Variants in VPS13C observed in about 807,000 individuals in gnomAD.
VPS13C encodes intermembrane lipid transfer protein VPS13C.
VPS13C carries 358 observed loss-of-function variants against 456.8 expected under a neutral mutation model. That is an observed-to-expected ratio of 0.78 (90% CI 0.72 to 0.86). The LOEUF is 0.86. Ranked by LOEUF, VPS13C falls within the 40% of genes least tolerant of loss-of-function variation. VPS13C has a pLI of 0.00. For synonymous variants in VPS13C, 1,578 were observed against 1,486.7 expected (o/e 1.06, Z -1.41); for missense variants, 4,818 against 4,385.4 (o/e 1.10, Z -2.79).
rs767670257 is a variant in VPS13C, at chr15:61,920,150, T to C, written c.7394A>G (p.Glu2465Gly). ...DVDAGQNLEL[E>G]YASMVPSSQG... Reference sequence around the variant, plus strand: ...ACTTGAAGGTACCATGCTGGCATACTCCAGTTCCAAATTCTGGCCAGCATC... The same window carrying C: ...ACTTGAAGGTACCATGCTGGCATACCCCAGTTCCAAATTCTGGCCAGCATC... Residue 2465 changes from glutamate (E) to glycine (G), a missense_variant, in exon 57 of 85, where the codon GAG becomes GGG. Glu to Gly is a moderately conservative substitution (Grantham distance 98). Transcript: ENST00000644861. 1.9e-6 allele frequency: 3 copies of C among 1,613,626 alleles called. No homozygotes were observed. In the South Asian group the frequency reaches 3.3e-5, roughly 18 times the overall value.
intron 65 of VPS13C, among the ~76,000 whole-genome samples, chr15:61,907,745 A>C (rs950747643): frequency 5.9e-5 from 9 of 152,128 alleles, no homozygotes; most frequent in African/African-American, 2.2e-4. Context: ...TCAGTGCTTA[A>C]ATTTAAACAT....
chr15:61,886,466 G>A (rs1314738584), intron 67 of VPS13C, among the ~76,000 whole-genome samples: 4 of 151,866 alleles, frequency 2.6e-5, no homozygotes, highest in Admixed American at 2.6e-4. Flanking sequence ...CTTTTCTCTT[G>A]TTTTGATATG....
intron 80 of VPS13C, among the ~76,000 whole-genome samples, 189 bp from the exon 81 acceptor site, chr15:61,868,962 A>G (rs1303256884): frequency 6.6e-6 from 1 of 152,174 alleles, no homozygotes; most frequent in Non-Finnish European, 1.5e-5. Context: ...TCTAAAATAA[A>G]AAGAAATATC....
chr15:62,002,548 C>G (rs935977561), intron 15 of VPS13C, among the ~76,000 whole-genome samples: 1 of 152,128 alleles, frequency 6.6e-6, no homozygotes, highest in African/African-American at 2.4e-5. Context: ...TCTATTTTGG[C>G]TTTTGTTGCC....
intron 17 of VPS13C, 71 bp downstream of exon 17, chr15:61,991,602 G>A (rs938082008): frequency 9.5e-6 from 14 of 1,478,054 alleles, no homozygotes; most frequent in African/African-American, 1.4e-5. Flanking sequence ...AAATTCAACA[G>A]GGAAGATATA....
chr15:61,860,555 A>G (rs1297757243), intron 82 of VPS13C, among the ~76,000 whole-genome samples: 7 of 152,186 alleles, frequency 4.6e-5, no homozygotes, highest in Admixed American at 4.6e-4. Flanking sequence ...CTAGGGAAAA[A>G]ATGTCCAATA....
intron 48 of VPS13C, 95 bp downstream of exon 48, chr15:61,936,502 T>C: frequency 4.8e-6 from 6 of 1,257,986 alleles, no homozygotes; most frequent in Non-Finnish European, 6.3e-6. Context: ...AATTAGTTCA[T>C]ACCACATTGT....
In VPS13C at chr15:61,902,959, C is replaced by T. The variant is rs1276377481; in HGVS notation, c.9105+4305G>A. Among the ~76,000 whole-genome samples the T allele has an allele frequency of 4.0e-5, 6 of 149,898 alleles. No homozygotes were observed. The South Asian group carries it at 1.3e-3, about 32-fold the overall frequency. ...TTTAGAAAAACCTAAAGACTCCACA[C>T]ACATTAAAAAAAAAGAAAAAACCTG... On this transcript the variant is annotated intron_variant, in intron 66 of 84. Coordinates refer to ENST00000644861, the MANE Select transcript of VPS13C (RefSeq NM_020821.3).
chr15:61,977,290 A>G (rs1390853320), intron 23 of VPS13C, 91 bp from the exon 24 acceptor site: 16 of 775,016 alleles, frequency 2.1e-5, no homozygotes, highest in East Asian at 6.5e-5. Flanking sequence ...ATTATTTTAA[A>G]TTGTCAGACA....
intron 81 of VPS13C, chr15:61,865,024 T>C: frequency 3.0e-6 from 3 of 984,688 alleles, no homozygotes; most frequent in Non-Finnish European, 3.6e-6. Context: ...ATCACCATAA[T>C]ACACTTTAGA....
chr15:61,941,653 A>G (rs1567029232), intron 46 of VPS13C, 110 bp downstream of exon 46: 1 of 1,178,644 alleles, frequency 8.5e-7, no homozygotes, highest in Non-Finnish European at 1.2e-6. Flanking sequence ...CATAATTAGA[A>G]GAAATAAGGA....
intron 82 of VPS13C, among the ~76,000 whole-genome samples, chr15:61,860,905 CTA>C (rs1395982693): frequency 1.3e-5 from 2 of 149,444 alleles, no homozygotes; most frequent in Admixed American, 6.7e-5. Flanking sequence ...AGCAAATCTA[CTA>C]TGTCCTAGGC....
intron 37 of VPS13C, among the ~76,000 whole-genome samples, chr15:61,956,350 G>A (rs1303962003): frequency 6.6e-6 from 1 of 151,874 alleles, no homozygotes; most frequent in African/African-American, 2.4e-5. Context: ...GACTGGGGGA[G>A]GGCTGAAAAA....
At chr15:62,034,882 T>G in intron 4 of VPS13C, 75 bp downstream of exon 4, 1 of 999,194 alleles carries the variant, frequency 1.0e-6, no homozygotes, top group Non-Finnish European at 1.5e-6. Context: ...AATAAATGTA[T>G]TAAAATACTT....
rs1410770552 is a variant in VPS13C at position 61,920,140 on chromosome 15, G to C, written c.7404C>G (p.Ser2468Arg). 6.2e-7 allele frequency: 1 copy of C among 1,613,522 alleles called. No individual in the cohort carries two copies. Residue 2468 changes from serine (S) to arginine (R), a missense_variant, in exon 57 of 85, where the codon AGC becomes AGG. Ser to Arg is a moderately radical substitution (Grantham distance 110). Transcript: ENST00000644861. ...GGTTCCCTTGACTTGAAGGTACCATGCTGGCATACTCCAGTTCCAAATTCT... is the reference window on the plus strand; with the variant it reads ...GGTTCCCTTGACTTGAAGGTACCATCCTGGCATACTCCAGTTCCAAATTCT... ...AGQNLELEYA[S>R]MVPSSQGNLS...
At chr15:62,042,858 A>G (rs1029193574) in intron 2 of VPS13C, among the ~76,000 whole-genome samples, 15 of 151,868 alleles carry the variant, frequency 9.9e-5, no homozygotes, top group Non-Finnish European at 1.8e-4. Flanking sequence ...TGGCACATGT[A>G]TACATAGGTA....
rs139881032 is a variant in VPS13C, at chr15:62,001,296, T to C, written c.1291-670A>G. On this transcript the variant is annotated intron_variant, in intron 15 of 84. Coordinates refer to ENST00000644861, the MANE Select transcript of VPS13C (RefSeq NM_020821.3). ...CTTGGTAAATATCCAAGTCAGTACT[T>C]GAACCCAAATCCATCTGACGCCAAT... Among the ~76,000 whole-genome samples, 49 of 152,332 alleles carry C rather than the reference T, an allele frequency of 3.2e-4. No homozygotes were observed. The East Asian group carries it at 9.1e-3, about 28-fold the overall frequency.
rs114239998 is a variant in VPS13C, at chr15:61,962,756, T to C, written c.3428A>G (p.His1143Arg). 1.3e-6 allele frequency: 2 copies of C among 1,592,976 alleles called. No homozygotes were observed. Among genetic ancestry groups the C allele is most frequent in the Non-Finnish European group, 1.7e-6 (2 of 1,166,752 alleles). Reference protein sequence around the residue: ...IVTDVDPKTVHKKAVSIMGNE... With the variant: ...IVTDVDPKTVRKKAVSIMGNE... ...CTGTTTACAATCACCTACTTTCTTA[T>C]GAACTGTCTTTGGATCAACATCTGT... Residue 1143 changes from histidine (H) to arginine (R), a missense_variant, in exon 33 of 85, where the codon CAT becomes CGT. Coordinates refer to ENST00000644861, the MANE Select transcript of VPS13C (RefSeq NM_020821.3).
intron 18 of VPS13C, among the ~76,000 whole-genome samples, chr15:61,988,236 T>C (rs889545236): frequency 6.6e-6 from 1 of 152,204 alleles, no homozygotes. Context: ...AGGGAACTTT[T>C]TGGAAGGATG....
Sources: allele counts gnomAD v4.1 joint callset (sites outside exome capture counted in the v4.1 genomes callset), GRCh38; gene constraint gnomAD v4.1.1; transcripts MANE v1.5; gene names NCBI Gene and HGNC (gene_info 2026-07-23, HGNC 2026-07-21).